Variants in SELENOF observed in about 807,000 individuals in gnomAD.
SELENOF encodes 15 kDa selenoprotein.
SELENOF carries 16 observed loss-of-function variants against 20.5 expected under a neutral mutation model. The observed-to-expected ratio is 0.78, with a 90% CI of 0.53 to 1.19. The LOEUF is 1.19. SELENOF is among the 50% of genes most tolerant of loss of function. SELENOF has a pLI of 0.00. For synonymous variants in SELENOF, 78 were observed against 74.5 expected (o/e 1.05, Z -0.24); for missense variants, 215 against 194.2 (o/e 1.11, Z -0.64).
chr1:86,894,500 T>C (rs1212721334), intron 2 of SELENOF, among the ~76,000 whole-genome samples: 1 of 152,180 alleles, frequency 6.6e-6, no homozygotes, highest in Admixed American at 6.5e-5. Flanking sequence ...CTTTAAAATA[T>C]GAGTCTCCTT....
At chr1:86,876,164 G>T (rs1169957290) in intron 3 of SELENOF, among the ~76,000 whole-genome samples, 1 of 151,746 alleles carries the variant, frequency 6.6e-6, no homozygotes, top group Non-Finnish European at 1.5e-5. Context: ...TTAAGGTCCT[G>T]ATTGAAAATA....
chr1:86,909,931 A>C (rs1200089875), intron 1 of SELENOF, among the ~76,000 whole-genome samples: 2 of 152,128 alleles, frequency 1.3e-5, no homozygotes, highest in Admixed American at 6.5e-5. Flanking sequence ...CTTGAACCCG[A>C]GAGGCGGAGA....
chr1:86,886,217 C>T (rs1217081993), intron 2 of SELENOF, among the ~76,000 whole-genome samples: 1 of 152,116 alleles, frequency 6.6e-6, no homozygotes, highest in Non-Finnish European at 1.5e-5. Flanking sequence ...ATTAGGATAT[C>T]TAGGGGTGAG....
chr1:86,889,642 A>AG (rs1309119326), intron 2 of SELENOF, among the ~76,000 whole-genome samples: 1 of 152,074 alleles, frequency 6.6e-6, no homozygotes, highest in Admixed American at 6.6e-5. Flanking sequence ...TTTACAGCTA[A>AG]GGGGTATGCT....
intron 3 of SELENOF, among the ~76,000 whole-genome samples, chr1:86,872,537 G>GTTTT (rs34910403): frequency 2.9e-5 from 4 of 138,966 alleles, no homozygotes; most frequent in African/African-American, 5.3e-5. Flanking sequence ...CCCAGCTAAT[G>GTTTT]TTTTTTTTTT....
intron 2 of SELENOF, among the ~76,000 whole-genome samples, chr1:86,895,996 G>A (rs1386397724): frequency 3.3e-5 from 5 of 152,190 alleles, no homozygotes; most frequent in African/African-American, 9.7e-5. Context: ...GGGAGGCCGA[G>A]GGGAGTGGAA....
intron 2 of SELENOF, among the ~76,000 whole-genome samples, chr1:86,888,339 C>A (rs1282333792): frequency 6.6e-6 from 1 of 151,106 alleles, no homozygotes; most frequent in Non-Finnish European, 1.5e-5. Flanking sequence ...ATGAAACCAA[C>A]TAGCCCCTTG....
chr1:86,872,408 GCC>G (rs1256328721), intron 3 of SELENOF, among the ~76,000 whole-genome samples: 1 of 151,928 alleles, frequency 6.6e-6, no homozygotes, highest in Non-Finnish European at 1.5e-5. Flanking sequence ...CGCTCTTGTT[GCC>G]CAGGCTGGAA....
chr1:86,882,891 C>T (rs1304377829), intron 2 of SELENOF, among the ~76,000 whole-genome samples: 2 of 152,096 alleles, frequency 1.3e-5, no homozygotes, highest in East Asian at 3.9e-4. Flanking sequence ...TTTGGGACGC[C>T]GAGGTGGGCG....
intron 3 of SELENOF, among the ~76,000 whole-genome samples, chr1:86,880,038 T>TA (rs748275669): frequency 1.1e-4 from 15 of 132,386 alleles, no homozygotes; most frequent in Non-Finnish European, 1.7e-4. Flanking sequence ...AAATTACACT[T>TA]ACATCTTGGA....
intron 2 of SELENOF, among the ~76,000 whole-genome samples, chr1:86,887,513 T>C (rs2102098783): frequency 6.6e-6 from 1 of 152,188 alleles, no homozygotes; most frequent in Non-Finnish European, 1.5e-5. Flanking sequence ...TAAGAATACA[T>C]TGGAGGAATC....
At chr1:86,884,061 G>GT (rs1255124208) in intron 2 of SELENOF, among the ~76,000 whole-genome samples, 1 of 152,162 alleles carries the variant, frequency 6.6e-6, no homozygotes, top group Non-Finnish European at 1.5e-5. Flanking sequence ...CAAATAGCCT[G>GT]TAACTTGACA....
In SELENOF at chr1:86,898,771, TG is replaced by T. The variant is rs1659593587; in HGVS notation, c.252+4509del. 9.2e-5 allele frequency among the ~76,000 whole-genome samples: 14 copies of T among 151,552 alleles called. No individual in the cohort carries two copies. In the South Asian group the frequency reaches 2.9e-3, roughly 32 times the overall value. Reference sequence around the variant, plus strand: ...TAATTTTTTGTATTTTTTTTTTGTTTGTTTGTTTTTTTTAATTTTCATTTTT... The same window carrying T: ...TAATTTTTTGTATTTTTTTTTTGTTTTTTGTTTTTTTTAATTTTCATTTTT... On this transcript the variant is annotated intron_variant, in intron 2 of 4. Coordinates refer to ENST00000331835, the MANE Select transcript of SELENOF (RefSeq NM_004261.5).
intron 1 of SELENOF, 75 bp downstream of exon 1, chr1:86,913,953 C>T (rs867632120): frequency 1.7e-5 from 24 of 1,379,682 alleles, no homozygotes; most frequent in Non-Finnish European, 2.4e-5. Flanking sequence ...TCAACCAGGA[C>T]CGAATGTTGC....
chr1:86,904,727 C>T (rs1186473088), intron 1 of SELENOF, among the ~76,000 whole-genome samples: 1 of 152,126 alleles, frequency 6.6e-6, no homozygotes, highest in Non-Finnish European at 1.5e-5. Flanking sequence ...CCTACTACTC[C>T]ACAAAATTTG....
At chr1:86,908,886 G>A (rs373376995) in intron 1 of SELENOF, among the ~76,000 whole-genome samples, 8 of 152,114 alleles carry the variant, frequency 5.3e-5, no homozygotes, top group Non-Finnish European at 8.8e-5. Flanking sequence ...AAGCATACTC[G>A]ATGTATTTTC....
chr1:86,877,387 A>C (rs531982505), intron 3 of SELENOF, among the ~76,000 whole-genome samples: 1 of 152,354 alleles, frequency 6.6e-6, no homozygotes, highest in Admixed American at 6.5e-5. Flanking sequence ...CATGTCTACC[A>C]ATCAATCATA....
chr1:86,886,528 A>G (rs1016224909), intron 2 of SELENOF, among the ~76,000 whole-genome samples: 6 of 152,094 alleles, frequency 3.9e-5, no homozygotes, highest in Non-Finnish European at 8.8e-5. Context: ...GTTAGTATTA[A>G]AGCAATTCCA....
chr1:86,871,989 G>A (rs919149329), intron 3 of SELENOF, among the ~76,000 whole-genome samples: 10 of 151,712 alleles, frequency 6.6e-5, no homozygotes, highest in African/African-American at 1.5e-4. Context: ...GAGGGCAGCT[G>A]GAATATTCTA....
Sources: gnomAD v4.1 joint callset for allele counts (sites outside exome capture counted in the v4.1 genomes callset) on GRCh38, gnomAD v4.1.1 for gene constraint, MANE v1.5 for transcripts, NCBI Gene and HGNC (gene_info 2026-07-23, HGNC 2026-07-21) for gene names.